ANK3: variants seen among roughly 807,000 people sequenced by gnomAD.
The protein encoded by ANK3 is ankyrin-3.
In ANK3, 57 loss-of-function variants were observed where a neutral mutation model predicts 370.9. The ratio of observed to expected loss-of-function variants is 0.15; its 90% CI spans 0.12 to 0.19. The LOEUF (loss-of-function observed/expected upper bound fraction) is 0.19, where lower values mean the gene tolerates loss of function less well. Ranked by LOEUF, ANK3 falls within the 10% of genes least tolerant of loss-of-function variation. ANK3 has a pLI of 1.00. For missense variants in ANK3, 4,439 were observed against 5,302.1 expected, an observed-to-expected ratio of 0.84 and a Z score of 5.06; for synonymous variants, 1,929 against 1,946.3, an observed-to-expected ratio of 0.99 and a Z score of 0.23.
intron 2 of ANK3, among the ~76,000 whole-genome samples, chr10:60,501,092 A>T (rs2075784081): frequency 6.6e-6 from 1 of 152,174 alleles, no homozygotes; most frequent in Non-Finnish European, 1.5e-5. Context: ...AAGCTGCTAT[A>T]CTCAAAGGTA....
intron 4 of ANK3, among the ~76,000 whole-genome samples, chr10:60,272,089 TTG>T (rs5785433): frequency 0.2 from 29,197 of 145,342 alleles, 2,975 homozygotes; most frequent in East Asian, 0.25. Context: ...ACTGTGGGAT[TTG>T]TGTGTGTGTG....
At chr10:60,262,653 C>T (rs1170048006) in intron 6 of ANK3, among the ~76,000 whole-genome samples, 3 of 152,198 alleles carry the variant, frequency 2.0e-5, no homozygotes, top group Non-Finnish European at 4.4e-5. Context: ...AGCTTCTTAG[C>T]CATGCTAGCT....
rs2097742369 is a variant in ANK3, at chr10:60,256,693, G to T, written c.798+5166C>A. Among the ~76,000 whole-genome samples, 3 of 152,118 alleles carry T rather than the reference G, an allele frequency of 2.0e-5. No individual in the cohort carries two copies. The South Asian group carries it at 6.2e-4, about 32-fold the overall frequency. ...TATGTCCATGAGTACCCCACATTTA[G>T]CTCCCACTAGTAAATGAGAATACGT... On this transcript the variant is annotated intron_variant, in intron 7 of 43. Coordinates refer to ENST00000280772, the MANE Select transcript of ANK3 (RefSeq NM_020987.5).
intron 36 of ANK3, among the ~76,000 whole-genome samples, chr10:60,077,467 A>C (rs2084098233): frequency 6.6e-6 from 1 of 152,210 alleles, no homozygotes; most frequent in South Asian, 2.1e-4. Context: ...ATAAACTTTA[A>C]AGATACTTTC....
At chr10:60,720,321 A>C (rs2079845959) in intron 1 of ANK3, among the ~76,000 whole-genome samples, 1 of 152,132 alleles carries the variant, frequency 6.6e-6, no homozygotes, top group African/African-American at 2.4e-5. Context: ...TGAGATATGC[A>C]CCCTATTTAA....
intron 1 of ANK3, among the ~76,000 whole-genome samples, chr10:60,653,805 CT>C (rs201155023): frequency 0.028 from 4,282 of 152,266 alleles, 93 homozygotes; most frequent in South Asian, 0.071. Context: ...GAGGCTGAGG[CT>C]GCAGTGAGCC....
chr10:60,524,001 T>C (rs576187268), intron 2 of ANK3, among the ~76,000 whole-genome samples: 141 of 152,170 alleles, frequency 9.3e-4, no homozygotes, highest in African/African-American at 3.4e-3. Context: ...GCCAGGTCTT[T>C]TCTTGTATTA....
Position 60,196,548 on chromosome 10 carries a change from T to C in ANK3, c.1767A>G (p.Ala589=). 2 of 1,613,144 alleles carry C rather than the reference T, an allele frequency of 1.2e-6. No individual in the cohort carries two copies. Among genetic ancestry groups the C allele is most frequent in the Non-Finnish European group, 8.5e-7 (1 of 1,179,636 alleles). ...TTACCTTCCCAGCAGCATCTGGAGA[T>C]GCACTTTTCTGTAGCAGGAGATTGG... ...EVANLLLQKS[A]SPDAAGKSGL... is the part of the protein sequence containing the mutation. The change falls in exon 15 of 44, where the codon GCA becomes GCG. Residue 589 remains alanine, a synonymous_variant. Transcript: ENST00000280772.
At chr10:60,155,952 G>C (rs570528798) in intron 23 of ANK3, among the ~76,000 whole-genome samples, 1 of 152,178 alleles carries the variant, frequency 6.6e-6, no homozygotes, top group Non-Finnish European at 1.5e-5. Flanking sequence ...TTTGGGATTC[G>C]GACTGCCTTC....
At chr10:60,403,840 C>A (rs2063400206) in intron 2 of ANK3, among the ~76,000 whole-genome samples, 1 of 152,072 alleles carries the variant, frequency 6.6e-6, no homozygotes, top group African/African-American at 2.4e-5. Flanking sequence ...ATGGTTAACA[C>A]AGAAAATCCT....
At position 60,132,622 on chromosome 10, in the gene ANK3, A is replaced by ATT. The variant is rs113211840; in HGVS notation, c.2841+1647_2841+1648dup. 4.8e-3 allele frequency among the ~76,000 whole-genome samples: 696 copies of ATT among 144,682 alleles called. 10 individuals carry two copies. Among genetic ancestry groups the ATT allele is most frequent in the East Asian group, 0.036 (179 of 4,990 alleles). 94.9% of individuals were successfully genotyped at this position (144,682 alleles called of 152,430 possible). A position where few individuals can be genotyped will look rare whatever the true frequency, so the allele number is the denominator to read the frequency against. ...AGACTAATACATGCACCTATAATCA[A>ATT]TTTTTTTTTTTTTTGACAGAGTCTC... On this transcript the variant is annotated intron_variant, in intron 25 of 43. Transcript: ENST00000280772.
intron 2 of ANK3, among the ~76,000 whole-genome samples, chr10:60,603,682 C>T (rs969834108): frequency 6.6e-6 from 1 of 152,108 alleles, no homozygotes; most frequent in Non-Finnish European, 1.5e-5. Flanking sequence ...AAACCCATAT[C>T]CAGTGGCTAT....
At chr10:60,390,207 A>G (rs2062976758), upstream of ANK3, among the ~76,000 whole-genome samples, 1 of 152,246 alleles carries the variant, frequency 6.6e-6, no homozygotes. Context: ...GCCTGTCTCA[A>G]CAGTGCATCC....
intron 25 of ANK3, among the ~76,000 whole-genome samples, chr10:60,132,760 A>G (rs1235213492): frequency 2.0e-5 from 3 of 151,828 alleles, no homozygotes; most frequent in Non-Finnish European, 4.4e-5. Flanking sequence ...GAGATTACAG[A>G]TGCCCACCAC....
At chr10:60,383,618 A>G (rs1304103476) in intron 1 of ANK3, among the ~76,000 whole-genome samples, 1 of 152,194 alleles carries the variant, frequency 6.6e-6, no homozygotes, top group Non-Finnish European at 1.5e-5. Flanking sequence ...TTGGTAAGAC[A>G]GACATGTAAA....
At chr10:60,469,407 ATGGTGG>A (rs1239237631) in intron 2 of ANK3, among the ~76,000 whole-genome samples, 4 of 494 alleles carry the variant, frequency 8.1e-3, no homozygotes, top group African/African-American at 0.01. Flanking sequence ...GTATATATAT[ATGGTGG>A]TATATATATA....
chr10:60,161,970 T>C (rs1004510349), intron 23 of ANK3, among the ~76,000 whole-genome samples: 1 of 152,206 alleles, frequency 6.6e-6, no homozygotes, highest in Non-Finnish European at 1.5e-5. Context: ...CCAATTACTC[T>C]GATTTGATCA....
chr10:60,322,264 T>C (rs1449465699), intron 1 of ANK3, among the ~76,000 whole-genome samples: 2 of 152,208 alleles, frequency 1.3e-5, no homozygotes, highest in African/African-American at 4.8e-5. Context: ...ATTTCTTTAG[T>C]ACTTCTGAAA....
At chr10:60,391,597 C>T (rs1027820884), upstream of ANK3, among the ~76,000 whole-genome samples, 1 of 152,200 alleles carries the variant, frequency 6.6e-6, no homozygotes, top group Non-Finnish European at 1.5e-5. Context: ...AGCTAAAAAG[C>T]TGGCGTCTTT....
Sources: gnomAD v4.1 joint callset for allele counts (sites outside exome capture counted in the v4.1 genomes callset) on GRCh38, gnomAD v4.1.1 for gene constraint, MANE v1.5 for transcripts, NCBI Gene and HGNC (gene_info 2026-07-23, HGNC 2026-07-21) for gene names.